The following CNTN4 variants were observed in gnomAD, a reference collection of about 807,000 sequenced individuals.
CNTN4 encodes the protein contactin 4, also known as contactin-4.
Under a neutral mutation model 122.5 loss-of-function variants are expected in CNTN4, and 77 were observed. That is an observed-to-expected ratio of 0.63 (90% CI 0.52 to 0.76). The LOEUF (loss-of-function observed/expected upper bound fraction) is 0.76. CNTN4 is among the 30% of genes least tolerant of loss of function. The pLI is 0.00. For missense variants in CNTN4, 1,256 were observed against 1,259.1 expected, an observed-to-expected ratio of 1.00 and a Z score of 0.04; for synonymous variants, 512 against 447.0, an observed-to-expected ratio of 1.15 and a Z score of -1.83.
intron 4 of CNTN4, among the ~76,000 whole-genome samples, chr3:2,612,405 TG>T (rs1301018364): frequency 6.6e-6 from 1 of 152,010 alleles, no homozygotes; most frequent in African/African-American, 2.4e-5. Flanking sequence ...AAAAACAAAA[TG>T]GTTGTATGGG....
At chr3:2,492,284 C>A (rs2151676017) in intron 3 of CNTN4, among the ~76,000 whole-genome samples, 1 of 152,208 alleles carries the variant, frequency 6.6e-6, no homozygotes, top group East Asian at 1.9e-4. Flanking sequence ...CATTTGTGAG[C>A]CCTTCCTTCT....
chr3:2,401,256 C>T (rs540879537), intron 3 of CNTN4, among the ~76,000 whole-genome samples: 1 of 152,146 alleles, frequency 6.6e-6, no homozygotes, highest in African/African-American at 2.4e-5. Flanking sequence ...AAGATAGACC[C>T]CAAGAGGTTT....
At chr3:2,169,572 A>G (rs2036362122) in intron 2 of CNTN4, among the ~76,000 whole-genome samples, 1 of 150,898 alleles carries the variant, frequency 6.6e-6, no homozygotes, top group Non-Finnish European at 1.5e-5. Flanking sequence ...CGCCCGGCTG[A>G]TTTTTTTGTA....
rs532886965 is a variant in CNTN4, at chr3:2,102,174, C to T, written c.-145+1535C>T. 9.3e-4 allele frequency among the ~76,000 whole-genome samples: 141 copies of T among 152,220 alleles called. 2 individuals carry two copies. Among genetic ancestry groups the T allele is most frequent in the African/African-American group, 3.2e-3 (133 of 41,546 alleles). The stretch of plus-strand genomic sequence containing the variant: ...TACCAATGGTCAGGAAGTGAAGAAT[C>T]CAAGGAGTAAATGAGGGAGGATTGG... On this transcript the variant is annotated intron_variant, in intron 2 of 24. Coordinates refer to ENST00000418658, the MANE Select transcript of CNTN4 (RefSeq NM_175607.3).
In CNTN4 at chr3:2,361,600, T is replaced by G. The variant is rs1433913216; in HGVS notation, c.-89+22367T>G. On this transcript the variant is annotated intron_variant, in intron 3 of 24. Transcript: ENST00000418658. The stretch of plus-strand genomic sequence containing the variant: ...AAAAGGAGAAATTGATCACCTAATG[T>G]GTTTATCCAACTGTATTGGAATAAG... Among the ~76,000 whole-genome samples, 3 of 152,350 alleles carry G rather than the reference T, an allele frequency of 2.0e-5. No homozygotes were observed. The East Asian group carries it at 5.8e-4, about 29-fold the overall frequency.
intron 3 of CNTN4, among the ~76,000 whole-genome samples, chr3:2,416,590 A>G (rs1053868924): frequency 1.3e-5 from 2 of 152,066 alleles, no homozygotes; most frequent in African/African-American, 4.8e-5. Flanking sequence ...TCCAGATGCC[A>G]CTCTTGCTTC....
intron 2 of CNTN4, among the ~76,000 whole-genome samples, chr3:2,247,066 C>T (rs2040184903): frequency 6.6e-6 from 1 of 151,950 alleles, no homozygotes; most frequent in African/African-American, 2.4e-5. Context: ...AGCACATATG[C>T]ATTGTGTTCT....
At chr3:2,488,831 C>G (rs1167063889) in intron 3 of CNTN4, among the ~76,000 whole-genome samples, 1 of 152,114 alleles carries the variant, frequency 6.6e-6, no homozygotes, top group Non-Finnish European at 1.5e-5. Flanking sequence ...CATTAACATT[C>G]CCTTTAATTG....
intron 3 of CNTN4, among the ~76,000 whole-genome samples, chr3:2,524,817 G>A (rs1022253813): frequency 3.9e-5 from 6 of 152,042 alleles, no homozygotes; most frequent in African/African-American, 9.7e-5. Flanking sequence ...CATGATAAAT[G>A]CAACTTGAAT....
intron 4 of CNTN4, among the ~76,000 whole-genome samples, chr3:2,683,942 A>C (rs1016706503): frequency 5.3e-5 from 8 of 152,122 alleles, no homozygotes; most frequent in Non-Finnish European, 7.4e-5. Context: ...CTTTTAAAGA[A>C]ATTCCCCATG....
chr3:2,290,515 A>G (rs912692491), intron 2 of CNTN4, among the ~76,000 whole-genome samples: 3 of 152,234 alleles, frequency 2.0e-5, no homozygotes, highest in African/African-American at 7.2e-5. Flanking sequence ...AAGGCTGGAT[A>G]AAAAGAGAGA....
chr3:2,267,219 C>A (rs1292912893), intron 2 of CNTN4, among the ~76,000 whole-genome samples: 2 of 152,112 alleles, frequency 1.3e-5, no homozygotes, highest in African/African-American at 4.8e-5. Flanking sequence ...TAAGATGATA[C>A]TGCTTTTTAC....
intron 24 of CNTN4, 116 bp downstream of exon 24, chr3:3,054,091 G>C (rs892046534): frequency 1.9e-6 from 2 of 1,063,098 alleles, no homozygotes; most frequent in East Asian, 2.6e-5. Context: ...AATAGAAATG[G>C]AGAACACTAC....
intron 2 of CNTN4, among the ~76,000 whole-genome samples, chr3:2,233,960 A>G (rs2039584509): frequency 6.6e-6 from 1 of 152,154 alleles, no homozygotes; most frequent in South Asian, 2.1e-4. Flanking sequence ...ACTTTATGCA[A>G]TTAGTATTGG....
intron 4 of CNTN4, among the ~76,000 whole-genome samples, chr3:2,657,073 G>A (rs1191585787): frequency 1.3e-5 from 2 of 152,182 alleles, no homozygotes; most frequent in African/African-American, 2.4e-5. Context: ...ACAGCCAACT[G>A]TTACAGCTTG....
chr3:2,572,064 C>T (rs1255625444), intron 4 of CNTN4, among the ~76,000 whole-genome samples: 1 of 152,146 alleles, frequency 6.6e-6, no homozygotes, highest in East Asian at 1.9e-4. Context: ...ACCATATACT[C>T]ATGGCCAACT....
intron 13 of CNTN4, among the ~76,000 whole-genome samples, chr3:2,964,153 G>A (rs1193916187): frequency 6.6e-6 from 1 of 152,114 alleles, no homozygotes; most frequent in Non-Finnish European, 1.5e-5. Context: ...GTTCAGACCT[G>A]ACTGATACAC....
At chr3:2,350,354 T>A (rs894088806) in intron 3 of CNTN4, among the ~76,000 whole-genome samples, 8 of 152,290 alleles carry the variant, frequency 5.3e-5, no homozygotes, top group East Asian at 3.9e-4. Context: ...CTGAATAATC[T>A]TCTTAACCTC....
chr3:2,185,938 T>A (rs2037232635), intron 2 of CNTN4, among the ~76,000 whole-genome samples: 1 of 152,156 alleles, frequency 6.6e-6, no homozygotes, highest in South Asian at 2.1e-4. Context: ...TTTTTAATTT[T>A]TTATTATTAT....
Sources: gnomAD v4.1 joint callset for allele counts (sites outside exome capture counted in the v4.1 genomes callset) on GRCh38, gnomAD v4.1.1 for gene constraint, MANE v1.5 for transcripts, NCBI Gene and HGNC (gene_info 2026-07-23, HGNC 2026-07-21) for gene names.